Variants in DOK5 observed in about 807,000 individuals in gnomAD.
DOK5 encodes the protein docking protein 5, also known as downstream of tyrosine kinase 5.
DOK5 carries 27 observed loss-of-function variants against 43.3 expected under a neutral mutation model. The ratio of observed to expected loss-of-function variants is 0.62; its 90% CI spans 0.46 to 0.86. The LOEUF is 0.86. Among genes scored for constraint, DOK5 ranks in the 40% least tolerant of loss-of-function variants. The pLI is 0.00. For synonymous variants in DOK5, 146 were observed against 140.1 expected, an observed-to-expected ratio of 1.04 and a Z score of -0.30; for missense variants, 373 against 392.9, an observed-to-expected ratio of 0.95 and a Z score of 0.43.
chr20:54,526,139 T>C (rs1983566869), intron 1 of DOK5, among the ~76,000 whole-genome samples: 1 of 137,040 alleles, frequency 7.3e-6, no homozygotes, highest in Non-Finnish European at 1.5e-5. Context: ...CCAAGATTTT[T>C]CTTTTTTTTT....
At chr20:54,617,577 C>T (rs182652645) in intron 6 of DOK5, among the ~76,000 whole-genome samples, 89 of 152,134 alleles carry the variant, frequency 5.9e-4, no homozygotes, top group South Asian at 5.0e-3. Flanking sequence ...CTTTTTCCTC[C>T]GCCTCTCAAA....
At position 54,481,046 on chromosome 20, in the gene DOK5, CATCTGTCTATCATCT is replaced by C. The variant is rs1568746359; in HGVS notation, c.66+5039_66+5053del. Among the ~76,000 whole-genome samples, 241 of 122,346 alleles carry C rather than the reference CATCTGTCTATCATCT, an allele frequency of 2.0e-3. 4 individuals are homozygous for C. The highest frequency in any genetic ancestry group is 8.5e-3 in the African/African-American group (222 of 26,072). 80.3% of individuals were successfully genotyped at this position (122,346 alleles called of 152,430 possible). On this transcript the variant is annotated intron_variant, in intron 1 of 7. Transcript: ENST00000262593. ...TATCATCTATCTATCATCTATCTAT[CATCTGTCTATCATCT>C]ATCTATCATCTATCTATCTATCATC...
chr20:54,643,894 C>G (rs757570637), intron 7 of DOK5, among the ~76,000 whole-genome samples: 1 of 152,072 alleles, frequency 6.6e-6, no homozygotes, highest in Non-Finnish European at 1.5e-5. Flanking sequence ...TTTAACAGAC[C>G]GTACACAGGG....
In DOK5 at chr20:54,650,556, C is replaced by A; in HGVS notation, c.*77C>A. ...CACCCAGGAGGTCACAGAATGACAG[C>A]AAGGGAAATGACGACCAAGAGAAGA... On this transcript the variant is annotated 3_prime_UTR_variant, in exon 8 of 8. Coordinates refer to ENST00000262593, the MANE Select transcript of DOK5 (RefSeq NM_018431.5). 2 of 1,408,176 alleles carry A rather than the reference C, an allele frequency of 1.4e-6. No individual in the cohort carries two copies. The highest frequency in any genetic ancestry group is 1.2e-5 in the South Asian group (1 of 83,180). 87.2% of individuals were successfully genotyped at this position (1,408,176 alleles called of 1,614,324 possible). A position where few individuals can be genotyped will look rare whatever the true frequency, so the allele number is the denominator to read the frequency against.
At chr20:54,545,479 AG>A (rs559498490) in intron 1 of DOK5, among the ~76,000 whole-genome samples, 15 of 152,222 alleles carry the variant, frequency 9.9e-5, no homozygotes, top group Non-Finnish European at 2.1e-4. Context: ...TGGACTGTCC[AG>A]GCCAGCAGGG....
At chr20:54,509,922 A>G (rs1227439519) in intron 1 of DOK5, among the ~76,000 whole-genome samples, 1 of 147,094 alleles carries the variant, frequency 6.8e-6, no homozygotes, top group Non-Finnish European at 1.5e-5. Flanking sequence ...AGGCTTTCAG[A>G]CGGCAGTACA....
chr20:54,602,460 T>C (rs1355157499), intron 5 of DOK5, among the ~76,000 whole-genome samples: 1 of 152,218 alleles, frequency 6.6e-6, no homozygotes, highest in Non-Finnish European at 1.5e-5. Flanking sequence ...GTAGAGGCGA[T>C]GTTAAATAAA....
rs532720277 is a variant in DOK5, at chr20:54,635,088, CCCT to C, written c.736-8364_736-8362del. ...TGGGGGTCAGACATGCCTCATGATA[CCCT>C]CCTCCCTTTGGAGTTCAGGCAAAAC... On this transcript the variant is annotated intron_variant, in intron 6 of 7. Transcript: ENST00000262593. 7.2e-5 allele frequency among the ~76,000 whole-genome samples: 11 copies of C among 152,258 alleles called. No homozygotes were observed. In the East Asian group the frequency reaches 2.1e-3, roughly 29 times the overall value.
chr20:54,604,351 C>T (rs562482356), intron 5 of DOK5, among the ~76,000 whole-genome samples: 3 of 151,168 alleles, frequency 2.0e-5, no homozygotes, highest in Admixed American at 1.3e-4. Flanking sequence ...TCAGGTGCTT[C>T]GGATCTGTTT....
chr20:54,637,491 G>A (rs1481222203), intron 6 of DOK5, among the ~76,000 whole-genome samples: 3 of 152,206 alleles, frequency 2.0e-5, no homozygotes, highest in African/African-American at 7.2e-5. Context: ...AGTCCTAAAT[G>A]ATTGTGCATA....
At chr20:54,510,218 G>C (rs1335198944) in intron 1 of DOK5, among the ~76,000 whole-genome samples, 1 of 152,036 alleles carries the variant, frequency 6.6e-6, no homozygotes, top group African/African-American at 2.4e-5. Context: ...CTTACTGTAG[G>C]TTCTCCTTTC....
chr20:54,650,794 A>C lies in DOK5; in HGVS notation c.*315A>C. The C allele has an allele frequency of 4.6e-6, 1 of 218,656 alleles. No individual in the cohort carries two copies. Among genetic ancestry groups the C allele is most frequent in the Non-Finnish European group, 9.0e-6 (1 of 111,592 alleles). 13.5% of individuals were successfully genotyped at this position (218,656 alleles called of 1,614,324 possible). A position where few individuals can be genotyped will look rare whatever the true frequency, so the allele number is the denominator to read the frequency against. On this transcript the variant is annotated 3_prime_UTR_variant, in exon 8 of 8. Transcript: ENST00000262593. The stretch of plus-strand genomic sequence containing the variant: ...ATACTTTGTCCCTTGCACTTCTCTG[A>C]ATCTGTCCTTTTGTGGATTCTTGTG...
intron 2 of DOK5, among the ~76,000 whole-genome samples, chr20:54,580,248 T>C (rs2146757607): frequency 6.6e-6 from 1 of 152,326 alleles, no homozygotes; most frequent in East Asian, 1.9e-4. Context: ...CATTTATCTG[T>C]CAATGGATAA....
intron 7 of DOK5, among the ~76,000 whole-genome samples, chr20:54,647,880 A>G (rs1979512804): frequency 6.6e-6 from 1 of 152,218 alleles, no homozygotes; most frequent in Non-Finnish European, 1.5e-5. Context: ...CCTTCTTGTT[A>G]TATGAATAAG....
intron 2 of DOK5, among the ~76,000 whole-genome samples, chr20:54,580,566 A>C (rs1985606806): frequency 6.6e-6 from 1 of 152,052 alleles, no homozygotes. Context: ...CCTAAGAGAT[A>C]GGAGGATGTG....
intron 1 of DOK5, among the ~76,000 whole-genome samples, chr20:54,496,631 T>G (rs1982404210): frequency 6.6e-6 from 1 of 151,746 alleles, no homozygotes; most frequent in Non-Finnish European, 1.5e-5. Flanking sequence ...CTGGGCGTGG[T>G]GGCAGGCGCC....
At chr20:54,646,518 G>T (rs944320842) in intron 7 of DOK5, among the ~76,000 whole-genome samples, 1 of 152,128 alleles carries the variant, frequency 6.6e-6, no homozygotes, top group South Asian at 2.1e-4. Context: ...CTCCCAAAGT[G>T]CTGGAATTAT....
intron 2 of DOK5, among the ~76,000 whole-genome samples, chr20:54,567,983 C>A (rs528240100): frequency 2.4e-4 from 36 of 152,220 alleles, no homozygotes; most frequent in South Asian, 1.0e-3. Flanking sequence ...ATAAGCCAGT[C>A]ATTTTTGGCC....
At chr20:54,642,728 A>C (rs1235860025) in intron 6 of DOK5, among the ~76,000 whole-genome samples, 1 of 152,136 alleles carries the variant, frequency 6.6e-6, no homozygotes, top group Non-Finnish European at 1.5e-5. Context: ...ATCTGAAAAA[A>C]AACAAAAACA....
Sources: gnomAD v4.1 joint callset for allele counts (sites outside exome capture counted in the v4.1 genomes callset) on GRCh38, gnomAD v4.1.1 for gene constraint, MANE v1.5 for transcripts, NCBI Gene and HGNC (gene_info 2026-07-23, HGNC 2026-07-21) for gene names.